TPTE2: variants seen among roughly 807,000 people sequenced by gnomAD.
TPTE2 encodes phosphatidylinositol 3,4,5-trisphosphate 3-phosphatase TPTE2.
TPTE2 carries 53 observed loss-of-function variants against 78.6 expected under a neutral mutation model. The observed-to-expected ratio is 0.67, with a 90% CI of 0.54 to 0.85. The LOEUF is 0.85. TPTE2 is among the 40% of genes least tolerant of loss of function. TPTE2 has a pLI of 0.00. For synonymous variants in TPTE2, 175 were observed against 206.2 expected (o/e 0.85, Z 1.30); for missense variants, 461 against 623.0 (o/e 0.74, Z 2.77).
At chr13:19,490,874 T>A (rs1188742785) in intron 3 of TPTE2, among the ~76,000 whole-genome samples, 1 of 152,210 alleles carries the variant, frequency 6.6e-6, no homozygotes, top group East Asian at 1.9e-4. Context: ...TTGCCTCTTT[T>A]GGCTCACTCT....
intron 13 of TPTE2, among the ~76,000 whole-genome samples, chr13:19,444,696 TTC>T (rs1877718587): frequency 6.6e-6 from 1 of 152,174 alleles, no homozygotes; most frequent in Admixed American, 6.5e-5. Flanking sequence ...GACTAGTTGA[TTC>T]CCAAATTTAT....
At chr13:19,504,290 A>G (rs1340354028), upstream of TPTE2, among the ~76,000 whole-genome samples, 1 of 151,990 alleles carries the variant, frequency 6.6e-6, no homozygotes, top group Non-Finnish European at 1.5e-5. Flanking sequence ...CTATGTACAA[A>G]TCCCCTTGAC....
the TPTE2 span, chr13:19,560,614 G>A: frequency 1.3e-6 from 2 of 1,598,456 alleles, no homozygotes; most frequent in Non-Finnish European, 1.7e-6. Context: ...GGTAGCCACG[G>A]CTGGAAGGTG....
intron 1 of TPTE2, among the ~76,000 whole-genome samples, chr13:19,512,582 C>CT (rs1869521549): frequency 9.0e-5 from 4 of 44,318 alleles, no homozygotes; most frequent in African/African-American, 1.6e-4. Context: ...GCACAGGAAA[C>CT]ATTTTTTTTT....
chr13:19,560,931 TC>T, the TPTE2 span: 8 of 1,596,546 alleles, frequency 5.0e-6, no homozygotes, highest in South Asian at 8.9e-5. Flanking sequence ...TACTCCATAC[TC>T]CCCTGGATGG....
At chr13:19,549,481 A>G in the TPTE2 span, among the ~76,000 whole-genome samples, 174 of 152,320 alleles carry the variant, frequency 1.1e-3, no homozygotes, top group African/African-American at 3.9e-3. Context: ...CTGAATGACT[A>G]TTATTAAAAA....
intron 1 of TPTE2, among the ~76,000 whole-genome samples, chr13:19,527,792 A>G (rs1870597586): frequency 6.6e-6 from 1 of 152,228 alleles, no homozygotes; most frequent in Admixed American, 6.5e-5. Context: ...GGATGAAGGC[A>G]TCAGGGCAGT....
intron 1 of TPTE2, among the ~76,000 whole-genome samples, chr13:19,522,566 T>G (rs1208841542): frequency 1.3e-5 from 2 of 151,608 alleles, no homozygotes; most frequent in Non-Finnish European, 2.9e-5. Context: ...GGTTTAGTAC[T>G]CTCAGCATTT....
At chr13:19,530,885 T>C (rs1870827707) in intron 1 of TPTE2, among the ~76,000 whole-genome samples, 1 of 152,164 alleles carries the variant, frequency 6.6e-6, no homozygotes, top group Admixed American at 6.5e-5. Flanking sequence ...CATGTTTAAG[T>C]GTGCAATTCA....
chr13:19,535,526 T>C lies in TPTE2; in HGVS notation c.-44+1070A>G, dbSNP rs543066199. On this transcript the variant is annotated intron_variant, in intron 1 of 17. Coordinates refer to the TPTE2 transcript ENST00000390680. The surrounding 1 kb of genome is among the most constrained non-coding windows in gnomAD (Gnocchi z 5.1). The stretch of plus-strand genomic sequence containing the variant: ...AAAGCAAAACCAAAACAAAACTCTA[T>C]AGAAAGATATTATAAAATCAAGGAT... 9.4e-4 allele frequency among the ~76,000 whole-genome samples: 143 copies of C among 152,106 alleles called. No individual in the cohort carries two copies. Among genetic ancestry groups the C allele is most frequent in the African/African-American group, 3.3e-3 (139 of 41,552 alleles).
At chr13:19,512,874 GC>G (rs1163773913) in intron 1 of TPTE2, among the ~76,000 whole-genome samples, 2 of 152,136 alleles carry the variant, frequency 1.3e-5, no homozygotes, top group Non-Finnish European at 2.9e-5. Flanking sequence ...ACCATGCCCA[GC>G]CAGAAAACAC....
intron 10 of TPTE2, 92 bp from the exon 14 acceptor site, chr13:19,451,317 A>G: frequency 2.0e-6 from 3 of 1,514,034 alleles, no homozygotes; most frequent in Non-Finnish European, 2.7e-6. Context: ...TACTTTTATT[A>G]ATTTGTCTCT....
intron 10 of TPTE2, among the ~76,000 whole-genome samples, chr13:19,451,642 G>A (rs893254656): frequency 6.6e-6 from 1 of 152,046 alleles, no homozygotes; most frequent in Non-Finnish European, 1.5e-5. Flanking sequence ...GTCTATCTAA[G>A]CACTATGGAA....
intron 10 of TPTE2, among the ~76,000 whole-genome samples, chr13:19,453,065 T>C (rs1194735141): frequency 6.6e-6 from 1 of 151,626 alleles, no homozygotes; most frequent in African/African-American, 2.4e-5. Context: ...TTCACTCTTG[T>C]TGCCCAGGCT....
intron 10 of TPTE2, among the ~76,000 whole-genome samples, chr13:19,456,295 G>C (rs192541222): frequency 6.6e-6 from 1 of 152,170 alleles, no homozygotes; most frequent in East Asian, 1.9e-4. Flanking sequence ...GGGTCAGTGA[G>C]ACCAGAGAGA....
At chr13:19,533,684 T>A (rs990714866) in intron 1 of TPTE2, among the ~76,000 whole-genome samples, 4 of 152,226 alleles carry the variant, frequency 2.6e-5, no homozygotes, top group African/African-American at 9.6e-5. Context: ...ATTATACCCA[T>A]CATTTATGAA....
At chr13:19,481,807 T>C (rs1029049295) in intron 4 of TPTE2, among the ~76,000 whole-genome samples, 10 of 152,156 alleles carry the variant, frequency 6.6e-5, no homozygotes, top group Non-Finnish European at 1.3e-4. Context: ...CTTACAACCA[T>C]GGTGAGTTAA....
chr13:19,513,554 T>A (rs1359044803), intron 1 of TPTE2, among the ~76,000 whole-genome samples: 3 of 152,176 alleles, frequency 2.0e-5, no homozygotes, highest in African/African-American at 7.2e-5. Flanking sequence ...AGAAACAACA[T>A]AAATGCATAC....
rs937933067 is a variant in TPTE2, at chr13:19,474,077, TAAAATAAA to T, written c.231-10_231-3del. 2 of 1,457,320 alleles carry T rather than the reference TAAAATAAA, an allele frequency of 1.4e-6. No individual in the cohort carries two copies. Among genetic ancestry groups the T allele is most frequent in the African/African-American group, 3.5e-5 (2 of 57,656 alleles). The allele number at this position is 1,457,320 out of a possible 1,614,324, so 90.3% of individuals were successfully genotyped here. ...AAGACCAGGAAAACTCCAAATATTCTAAAATAAATAAATAAATAAATAAATAAATAAAT... is the reference window on the plus strand; with the variant it reads ...AAGACCAGGAAAACTCCAAATATTCTTAAATAAATAAATAAATAAATAAAT... On this transcript the variant is annotated splice_polypyrimidine_tract_variant and splice_region_variant and intron_variant, in intron 5 of 19. Coordinates refer to ENST00000400230, the Ensembl canonical transcript of TPTE2.
Sources: allele counts gnomAD v4.1 joint callset (sites outside exome capture counted in the v4.1 genomes callset), GRCh38; gene constraint gnomAD v4.1.1; non-coding constraint Gnocchi (gnomAD v3.1); transcripts MANE v1.5; gene names NCBI Gene and HGNC (gene_info 2026-07-23, HGNC 2026-07-21).